The following FGF7 variants were observed in gnomAD, a reference collection of about 807,000 sequenced individuals.
FGF7 encodes the protein fibroblast growth factor 7, also known as FGF-7.
In FGF7, 6 loss-of-function variants were observed where a neutral mutation model predicts 20.5. That is an observed-to-expected ratio of 0.29 (90% confidence interval 0.16 to 0.58). The LOEUF (loss-of-function observed/expected upper bound fraction) is 0.58. Ranked by LOEUF, FGF7 falls within the 20% of genes least tolerant of loss-of-function variation. FGF7 has a pLI of 0.90. For missense variants in FGF7, 144 were observed against 228.8 expected (o/e 0.63, Z 2.39); for synonymous variants, 64 against 74.7 (o/e 0.86, Z 0.74).
intron 2 of FGF7, among the ~76,000 whole-genome samples, chr15:49,449,276 A>T (rs1428883161): frequency 6.6e-6 from 1 of 152,070 alleles, no homozygotes; most frequent in Non-Finnish European, 1.5e-5. Flanking sequence ...TAAAGCAATC[A>T]TGAAATCAAT....
rs565018289 is a variant in FGF7, at chr15:49,437,210, A to C, written c.286+12627A>C. Reference sequence around the variant, plus strand: ...TATATATACAGTTTAATTTCAGATAATCTCAGATAACTTAGTCATATTTAG... The same window carrying C: ...TATATATACAGTTTAATTTCAGATACTCTCAGATAACTTAGTCATATTTAG... On this transcript the variant is annotated intron_variant, in intron 2 of 3. Coordinates refer to ENST00000267843, the MANE Select transcript of FGF7 (RefSeq NM_002009.4). Among the ~76,000 whole-genome samples, 19 of 151,634 alleles carry C rather than the reference A, an allele frequency of 1.3e-4. No individual in the cohort carries two copies. In the South Asian group the frequency reaches 3.7e-3, roughly 30 times the overall value.
intron 2 of FGF7, among the ~76,000 whole-genome samples, chr15:49,451,565 C>G (rs75805553): frequency 2.6e-5 from 4 of 151,890 alleles, no homozygotes; most frequent in Non-Finnish European, 4.4e-5. Context: ...TTTTCTAAAT[C>G]TTCTTAGAAT....
At chr15:49,459,805 A>T (rs766138571) in intron 2 of FGF7, among the ~76,000 whole-genome samples, 2 of 152,048 alleles carry the variant, frequency 1.3e-5, no homozygotes, top group Non-Finnish European at 2.9e-5. Context: ...TCCTGTGTGC[A>T]TCTCTTTCCA....
chr15:49,451,283 A>G (rs778979342), intron 2 of FGF7, among the ~76,000 whole-genome samples: 3 of 152,084 alleles, frequency 2.0e-5, no homozygotes, highest in Non-Finnish European at 2.9e-5. Context: ...CATAGAGGCT[A>G]AGGTTTTGTG....
chr15:49,461,693 C>A (rs945709686), intron 2 of FGF7, among the ~76,000 whole-genome samples: 1 of 152,174 alleles, frequency 6.6e-6, no homozygotes, highest in Non-Finnish European at 1.5e-5. Context: ...AGAATAAGAG[C>A]AATCCTTATT....
chr15:49,448,838 G>GT (rs1388955269), intron 2 of FGF7, among the ~76,000 whole-genome samples: 3 of 151,790 alleles, frequency 2.0e-5, no homozygotes, highest in Admixed American at 6.6e-5. Context: ...CTCCAAGAAT[G>GT]AACCCTCTAC....
rs144606023 is a variant in FGF7, at chr15:49,444,248, C to T, written c.286+19665C>T. ...GATTGCTCTCAAGACAATGAAAAAA[C>T]GGAGAATGGAAGGCCACAATCCAGC... is the stretch of plus-strand genomic sequence containing the variant. On this transcript the variant is annotated intron_variant, in intron 2 of 3. Coordinates refer to ENST00000267843, the MANE Select transcript of FGF7 (RefSeq NM_002009.4). Among the ~76,000 whole-genome samples, 333 of 151,698 alleles carry T rather than the reference C, an allele frequency of 2.2e-3. 1 individual carries two copies. Among genetic ancestry groups the T allele is most frequent in the Non-Finnish European group, 2.8e-3 (192 of 67,738 alleles).
At chr15:49,427,081 A>G (rs2050195394) in intron 2 of FGF7, among the ~76,000 whole-genome samples, 2 of 152,004 alleles carry the variant, frequency 1.3e-5, no homozygotes, top group South Asian at 4.1e-4. Flanking sequence ...ATAACATGTT[A>G]GAAGAAAATT....
chr15:49,464,819 C>T (rs1270495462), intron 2 of FGF7, among the ~76,000 whole-genome samples: 1 of 152,128 alleles, frequency 6.6e-6, no homozygotes, highest in East Asian at 1.9e-4. Flanking sequence ...ATGCCATTCT[C>T]CTTGCTTAGC....
chr15:49,482,958 A>C (rs894366832), intron 2 of FGF7, among the ~76,000 whole-genome samples, 193 bp from the exon 3 acceptor site: 2 of 152,098 alleles, frequency 1.3e-5, no homozygotes, highest in African/African-American at 4.8e-5. Context: ...ATCGGTTTGC[A>C]CTTCCCTTAT....
chr15:49,424,556 G>T lies in FGF7; in HGVS notation c.259G>T (p.Gly87Trp). Reference sequence around the variant, plus strand: ...GATCGATAAAAGAGGCAAAGTAAAAGGGACCCAAGAGATGAAGAATAATTA... The same window carrying T: ...GATCGATAAAAGAGGCAAAGTAAAATGGACCCAAGAGATGAAGAATAATTA... ...LRIDKRGKVKGTQEMKNNYNI... is the reference protein window; with the variant it reads ...LRIDKRGKVKWTQEMKNNYNI... The change falls in exon 2 of 4, where the codon GGG becomes TGG. Residue 87 changes from glycine to tryptophan, a missense_variant. Around this residue, in one of 2 missense-constraint regions of FGF7, gnomAD observed 88 missense variants for 103.4 expected, o/e 0.85. Coordinates refer to ENST00000267843, the MANE Select transcript of FGF7 (RefSeq NM_002009.4). 1 of 1,596,496 alleles carries T rather than the reference G, an allele frequency of 6.3e-7. No homozygotes were observed. The highest frequency in any genetic ancestry group is 2.2e-5 in the East Asian group (1 of 44,502).
intron 2 of FGF7, among the ~76,000 whole-genome samples, chr15:49,470,063 T>C (rs563668203): frequency 2.6e-5 from 4 of 152,138 alleles, no homozygotes; most frequent in Non-Finnish European, 5.9e-5. Flanking sequence ...AAGCCCTGCA[T>C]ACAACCATAA....
intron 2 of FGF7, among the ~76,000 whole-genome samples, chr15:49,463,833 G>T (rs1485875837): frequency 6.6e-6 from 1 of 152,180 alleles, no homozygotes; most frequent in Admixed American, 6.5e-5. Context: ...GGGGAAAATT[G>T]TAAGTATTTG....
Position 49,487,138 on chromosome 15 carries a change from G to A in FGF7, c.*2634G>A, listed in dbSNP as rs2056460929. 6.6e-6 allele frequency: 1 copy of A among 151,772 alleles called. No homozygotes were observed. The highest frequency in any genetic ancestry group is 1.5e-5 in the Non-Finnish European group (1 of 67,836). The allele number at this position is 151,772 out of a possible 1,614,324, so 9.4% of individuals were successfully genotyped here. A position where few individuals can be genotyped will look rare whatever the true frequency, so the allele number is the denominator to read the frequency against. ...CTTGGCAATGCACTTCATACACAAT[G>A]ACTAATCTATACTGTGATGATTTGA... On this transcript the variant is annotated 3_prime_UTR_variant, in exon 4 of 4. Coordinates refer to ENST00000267843, the MANE Select transcript of FGF7 (RefSeq NM_002009.4).
intron 2 of FGF7, among the ~76,000 whole-genome samples, chr15:49,431,078 T>C (rs944319984): frequency 5.9e-5 from 9 of 151,896 alleles, no homozygotes; most frequent in African/African-American, 2.2e-4. Context: ...TACAATACTT[T>C]TCCATTTTTA....
intron 2 of FGF7, among the ~76,000 whole-genome samples, chr15:49,430,527 G>T (rs1266660981): frequency 6.6e-6 from 1 of 151,792 alleles, no homozygotes. Flanking sequence ...TGATATAAGA[G>T]AATACTGCAG....
chr15:49,451,915 A>G (rs1043649482), intron 2 of FGF7, among the ~76,000 whole-genome samples: 44 of 152,178 alleles, frequency 2.9e-4, no homozygotes, highest in African/African-American at 1.0e-3. Flanking sequence ...TCCAGGATCC[A>G]GGATGCTCTC....
At chr15:49,465,379 G>T (rs2054177353) in intron 2 of FGF7, among the ~76,000 whole-genome samples, 1 of 150,136 alleles carries the variant, frequency 6.7e-6, no homozygotes, top group Admixed American at 6.7e-5. Context: ...CAAGTGATCT[G>T]CCCACCTCGG....
chr15:49,426,111 G>A (rs1213162344), intron 2 of FGF7, among the ~76,000 whole-genome samples: 1 of 151,590 alleles, frequency 6.6e-6, no homozygotes, highest in Non-Finnish European at 1.5e-5. Context: ...TAAAAATTAT[G>A]ACACATGGGG....
Sources: allele counts gnomAD v4.1 joint callset (sites outside exome capture counted in the v4.1 genomes callset), GRCh38; gene constraint gnomAD v4.1.1; regional missense constraint gnomAD v4.1.1; transcripts MANE v1.5; gene names NCBI Gene and HGNC (gene_info 2026-07-23, HGNC 2026-07-21).